The following FER variants were observed in gnomAD, a reference collection of about 807,000 sequenced individuals.
FER encodes tyrosine-protein kinase Fer.
In FER, 63 loss-of-function variants were observed where a neutral mutation model predicts 111.0. That is an observed-to-expected ratio of 0.57 (90% CI 0.46 to 0.70). FER has a LOEUF of 0.70. Ranked by LOEUF, FER falls within the 30% of genes least tolerant of loss-of-function variation. FER has a pLI of 0.00. For synonymous variants in FER, 327 were observed against 313.9 expected (o/e 1.04, Z -0.44); for missense variants, 914 against 954.0 (o/e 0.96, Z 0.55).
chr5:108,915,962 G>T (rs950081297), intron 10 of FER, among the ~76,000 whole-genome samples: 1 of 151,940 alleles, frequency 6.6e-6, no homozygotes, highest in Admixed American at 6.6e-5. Context: ...TTGACACAGG[G>T]TACTATGATA....
intron 14 of FER, among the ~76,000 whole-genome samples, chr5:109,039,757 A>C (rs1344679226): frequency 6.6e-6 from 1 of 152,120 alleles, no homozygotes; most frequent in Non-Finnish European, 1.5e-5. Context: ...CTGTTAGGTG[A>C]TGAGGGTATA....
chr5:109,038,611 A>T (rs1032717976), intron 14 of FER, among the ~76,000 whole-genome samples: 1 of 151,960 alleles, frequency 6.6e-6, no homozygotes, highest in Admixed American at 6.6e-5. Context: ...AAGAACCTCA[A>T]GCTAAAAGCA....
intron 13 of FER, among the ~76,000 whole-genome samples, chr5:108,960,555 A>G (rs1759013283): frequency 6.6e-6 from 1 of 152,010 alleles, no homozygotes; most frequent in Non-Finnish European, 1.5e-5. Context: ...CAAAATATAT[A>G]TATATATAAA....
At chr5:109,167,885 T>C (rs1582357602) in intron 17 of FER, among the ~76,000 whole-genome samples, 1 of 152,014 alleles carries the variant, frequency 6.6e-6, no homozygotes, top group Non-Finnish European at 1.5e-5. Context: ...TCAGTATGAA[T>C]GAACAGAAGG....
intron 13 of FER, among the ~76,000 whole-genome samples, chr5:108,975,446 C>T (rs1581473721): frequency 6.6e-6 from 1 of 151,960 alleles, no homozygotes; most frequent in Admixed American, 6.6e-5. Context: ...CATTAAGCTA[C>T]TAAATATATG....
intron 17 of FER, among the ~76,000 whole-genome samples, chr5:109,170,539 A>G (rs57863249): frequency 0.032 from 4,886 of 152,222 alleles, 111 homozygotes; most frequent in Middle Eastern, 0.092. Flanking sequence ...GTATCCATAT[A>G]CAAAGACATC....
intron 13 of FER, among the ~76,000 whole-genome samples, chr5:109,035,374 A>G: frequency 6.6e-6 from 1 of 152,154 alleles, no homozygotes; most frequent in East Asian, 1.9e-4. Flanking sequence ...CTAGAATTTT[A>G]TGTAAATGGA....
At chr5:108,864,930 T>A (rs1467353777) in intron 5 of FER, among the ~76,000 whole-genome samples, 8 of 152,102 alleles carry the variant, frequency 5.3e-5, no homozygotes, top group South Asian at 2.1e-4. Flanking sequence ...TGGCATTGAA[T>A]CTATAAATTA....
chr5:108,946,215 C>T lies in FER; in HGVS notation c.1322C>T (p.Ser441Phe), dbSNP rs1756963589. ...AGGTCTCCAAAATCTGCACTGGGCT[C>T]TTCAGCAGTAAGTAGGATTAACTCT... ...IIRSPKSALGSSALSDMISIS... is the reference protein window; with the variant it reads ...IIRSPKSALGFSALSDMISIS... The change falls in exon 11 of 20, where the codon TCT becomes TTT. Residue 441 changes from serine (S) to phenylalanine (F), a missense_variant. Around this residue, in one of 3 missense-constraint regions of FER, gnomAD observed 774 missense variants for 782.6 expected, o/e 0.99. Coordinates refer to ENST00000281092, the MANE Select transcript of FER (RefSeq NM_005246.4). 1 of 1,609,786 alleles carries T rather than the reference C, an allele frequency of 6.2e-7. No homozygotes were observed. Among genetic ancestry groups the T allele is most frequent in the African/African-American group, 1.3e-5 (1 of 74,912 alleles).
At chr5:109,160,634 G>A (rs1185683558) in intron 17 of FER, among the ~76,000 whole-genome samples, 1 of 152,026 alleles carries the variant, frequency 6.6e-6, no homozygotes, top group Non-Finnish European at 1.5e-5. Flanking sequence ...TTTCATTACT[G>A]TTGCCTTTAA....
rs576461357 is a variant in FER, at chr5:108,927,405, C to T, written c.1237-18725C>T. Among the ~76,000 whole-genome samples the T allele has an allele frequency of 2.0e-5, 3 of 151,928 alleles. No homozygotes were observed. In the East Asian group the frequency reaches 5.8e-4, roughly 29 times the overall value. On this transcript the variant is annotated intron_variant, in intron 10 of 19. Coordinates refer to ENST00000281092, the MANE Select transcript of FER (RefSeq NM_005246.4). ...CCTCCCGAGTAGCTGGGACTACAGGCGCCCGCCACCGCGCCCGGCTAATTT... is the reference window on the plus strand; with the variant it reads ...CCTCCCGAGTAGCTGGGACTACAGGTGCCCGCCACCGCGCCCGGCTAATTT...
chr5:109,068,274 T>C (rs1581887681), intron 16 of FER, among the ~76,000 whole-genome samples: 6 of 152,032 alleles, frequency 3.9e-5, no homozygotes. Context: ...CCCTCTGCCT[T>C]CCGGGTTCAA....
intron 1 of FER, among the ~76,000 whole-genome samples, chr5:108,760,758 T>G (rs202239222): frequency 6.6e-6 from 1 of 152,214 alleles, no homozygotes; most frequent in Non-Finnish European, 1.5e-5. Context: ...TGTGGCTGGT[T>G]TGATCTATCT....
At chr5:109,072,658 A>G (rs1207229612) in intron 16 of FER, among the ~76,000 whole-genome samples, 1 of 152,004 alleles carries the variant, frequency 6.6e-6, no homozygotes, top group Non-Finnish European at 1.5e-5. Flanking sequence ...AAGGAAATAT[A>G]AGGTCTATAA....
chr5:108,859,919 C>CTTATTA (rs1185442040), intron 5 of FER, among the ~76,000 whole-genome samples: 1 of 110,284 alleles, frequency 9.1e-6, no homozygotes, highest in African/African-American at 4.4e-5. Context: ...TATGTATATA[C>CTTATTA]CTATTATTAT....
intron 13 of FER, among the ~76,000 whole-genome samples, chr5:109,016,121 C>T (rs967486409): frequency 6.6e-6 from 1 of 152,002 alleles, no homozygotes; most frequent in Admixed American, 6.6e-5. Flanking sequence ...CTAAGTTGTG[C>T]ACTTCTTCAG....
rs1162128405 is a variant in FER at position 109,192,063 on chromosome 5, G to C, written c.*4488G>C. The C allele has an allele frequency of 6.6e-6, 1 of 152,068 alleles. No individual in the cohort carries two copies. The highest frequency in any genetic ancestry group is 2.4e-5 in the African/African-American group (1 of 41,368). 9.4% of individuals were successfully genotyped at this position (152,068 alleles called of 1,614,324 possible). On this transcript the variant is annotated 3_prime_UTR_variant, in exon 20 of 20. Coordinates refer to ENST00000281092, the MANE Select transcript of FER (RefSeq NM_005246.4). ...AATTAAATTCTGAACTTTTAGTGTA[G>C]GCATTAGGAATCACTTAGCCACTTA...
chr5:109,005,245 C>G (rs1765345791), intron 13 of FER, among the ~76,000 whole-genome samples: 1 of 151,930 alleles, frequency 6.6e-6, no homozygotes, highest in African/African-American at 2.4e-5. Context: ...GGTCCATCAA[C>G]AAGACAGTCC....
chr5:108,884,070 C>T (rs1346321962), intron 9 of FER, among the ~76,000 whole-genome samples: 1 of 151,984 alleles, frequency 6.6e-6, no homozygotes, highest in African/African-American at 2.4e-5. Context: ...ATGCTTTCTA[C>T]TGCTTAAGAA....
Sources: allele counts gnomAD v4.1 joint callset (sites outside exome capture counted in the v4.1 genomes callset), GRCh38; gene constraint gnomAD v4.1.1; regional missense constraint gnomAD v4.1.1; transcripts MANE v1.5; gene names NCBI Gene and HGNC (gene_info 2026-07-23, HGNC 2026-07-21).